Variants in TTYH2 observed in about 807,000 individuals in gnomAD.
TTYH2 encodes protein tweety homolog 2.
A neutral mutation model predicts 68.3 loss-of-function variants in TTYH2; 49 were observed. The observed-to-expected ratio is 0.72, with a 90% CI of 0.57 to 0.91. The LOEUF is 0.91. Ranked by LOEUF, TTYH2 falls within the 40% of genes least tolerant of loss-of-function variation. The pLI is 0.00. For synonymous variants in TTYH2, 272 were observed against 300.8 expected, an observed-to-expected ratio of 0.90 and a Z score of 0.99; for missense variants, 631 against 700.4, an observed-to-expected ratio of 0.90 and a Z score of 1.12.
chr17:74,230,861 A>G (rs1261020659), intron 2 of TTYH2, 27 bp from the exon 3 acceptor site: 1 of 1,610,812 alleles, frequency 6.2e-7, no homozygotes, highest in Non-Finnish European at 8.5e-7. Flanking sequence ...TATCACCTCT[A>G]ACCTCTGTTT....
chr17:74,244,027 C>T lies in TTYH2; in HGVS notation c.782C>T (p.Ala261Val). The change falls in exon 6 of 14, where the codon GCC becomes GTC. Residue 261 changes from alanine (A) to valine (V), a missense_variant. Ala to Val is a moderately conservative substitution (Grantham distance 64, BLOSUM62 0). Coordinates refer to ENST00000269346, the MANE Select transcript of TTYH2 (RefSeq NM_032646.6). ...CTGCTCCTCAGTTGGGCATCCCTGG[C>T]CGCTGATGGCTCTGCGGCAGTGGTG... Reference protein sequence around the residue: ...LSLLLSWASLAADGSAAVATS... With the variant: ...LSLLLSWASLVADGSAAVATS... 1.2e-6 allele frequency: 2 copies of T among 1,612,204 alleles called. No homozygotes were observed. The highest frequency in any genetic ancestry group is 1.7e-6 in the Non-Finnish European group (2 of 1,179,902).
chr17:74,259,115 G>A (rs2050721671), intron 13 of TTYH2, among the ~76,000 whole-genome samples: 1 of 152,136 alleles, frequency 6.6e-6, no homozygotes, highest in Non-Finnish European at 1.5e-5. Context: ...CTCTGTACTG[G>A]GTCATGCTCC....
chr17:74,216,313 G>A (rs1308118702), intron 1 of TTYH2, among the ~76,000 whole-genome samples: 2 of 152,182 alleles, frequency 1.3e-5, no homozygotes, highest in African/African-American at 4.8e-5. Flanking sequence ...CACAGTGCTG[G>A]CTGTGTGGGG....
intron 2 of TTYH2, among the ~76,000 whole-genome samples, chr17:74,229,573 G>A (rs751774183): frequency 1.1e-4 from 16 of 152,038 alleles, no homozygotes; most frequent in Non-Finnish European, 1.8e-4. Flanking sequence ...CTCCATAGAT[G>A]TTCACAGCAG....
chr17:74,217,575 G>C lies in TTYH2; in HGVS notation c.129+3859G>C, dbSNP rs1019145624. On this transcript the variant is annotated intron_variant, in intron 1 of 13. Transcript: ENST00000269346. The surrounding 1 kb of genome is among the most constrained non-coding windows in gnomAD (Gnocchi z 4.0). Reference sequence around the variant, plus strand: ...TTCATCCAGTGTGAAATTGAGTCACGGTCATCAGACAGTCATGCCGCGCCT... The same window carrying C: ...TTCATCCAGTGTGAAATTGAGTCACCGTCATCAGACAGTCATGCCGCGCCT... Among the ~76,000 whole-genome samples, 3 of 152,172 alleles carry C rather than the reference G, an allele frequency of 2.0e-5. No individual in the cohort carries two copies. The highest frequency in any genetic ancestry group is 4.4e-5 in the Non-Finnish European group (3 of 68,030).
rs1359224747 is a variant in TTYH2 at position 74,214,806 on chromosome 17, A to C, written c.129+1090A>C. ...CCCCCGGCGGCCTCTCCCTGTGTCA[A>C]GTTCTCCAGATATGGGACAGATCAG... On this transcript the variant is annotated intron_variant, in intron 1 of 13. Coordinates refer to ENST00000269346, the MANE Select transcript of TTYH2 (RefSeq NM_032646.6). The surrounding 1 kb of genome is among the most constrained non-coding windows in gnomAD (Gnocchi z 4.6). 2.6e-5 allele frequency among the ~76,000 whole-genome samples: 4 copies of C among 152,202 alleles called. No homozygotes were observed. The highest frequency in any genetic ancestry group is 1.3e-4 in the Admixed American group (2 of 15,284).
At chr17:74,231,268 C>T (rs2050386767) in intron 3 of TTYH2, among the ~76,000 whole-genome samples, 1 of 152,238 alleles carries the variant, frequency 6.6e-6, no homozygotes, top group South Asian at 2.1e-4. Context: ...ACAAGCCGAA[C>T]ACTTTCTGAT....
rs1285599801 is a variant in TTYH2 at position 74,239,675 on chromosome 17, C to T, written c.635+2161C>T. ...AGCCCGTCCAGTCCCTGCATCTCCG[C>T]CATGTCCTGGATGCTCTGGATTGAA... On this transcript the variant is annotated intron_variant, in intron 4 of 13. Transcript: ENST00000269346. This position sits in a 1 kb window ranked among gnomAD's most constrained non-coding sequence, Gnocchi z 5.3. Among the ~76,000 whole-genome samples, 1 of 152,192 alleles carries T rather than the reference C, an allele frequency of 6.6e-6. No homozygotes were observed. The highest frequency in any genetic ancestry group is 2.4e-5 in the African/African-American group (1 of 41,442).
At chr17:74,246,569 T>TC (rs2050560049) in intron 6 of TTYH2, among the ~76,000 whole-genome samples, 1 of 152,118 alleles carries the variant, frequency 6.6e-6, no homozygotes, top group Non-Finnish European at 1.5e-5. Flanking sequence ...GGCTCAGCCA[T>TC]CACCTGGGCT....
At chr17:74,244,083 G>A in intron 6 of TTYH2, 34 bp downstream of exon 6, 1 of 1,598,794 alleles carries the variant, frequency 6.3e-7, no homozygotes, top group South Asian at 1.1e-5. Flanking sequence ...GGTGGGTGGT[G>A]GTTGGTCTGC....
At chr17:74,227,152 T>C (rs1416085435) in intron 2 of TTYH2, among the ~76,000 whole-genome samples, 1 of 152,086 alleles carries the variant, frequency 6.6e-6, no homozygotes, top group Non-Finnish European at 1.5e-5. Context: ...TTTTTTTATT[T>C]TTAGTAGAGA....
intron 1 of TTYH2, among the ~76,000 whole-genome samples, chr17:74,218,296 C>T (rs1410383831): frequency 6.6e-6 from 1 of 151,992 alleles, no homozygotes; most frequent in Non-Finnish European, 1.5e-5. Context: ...CACCCTCTCA[C>T]CCTGTCCCAC....
intron 2 of TTYH2, among the ~76,000 whole-genome samples, chr17:74,229,387 C>T (rs1438893980): frequency 6.6e-6 from 1 of 152,126 alleles, no homozygotes; most frequent in African/African-American, 2.4e-5. Flanking sequence ...AGTCTTAGGA[C>T]TAGAGGACAG....
At chr17:74,253,707 C>G (rs748274119) in intron 12 of TTYH2, 48 bp from the exon 13 acceptor site, 1 of 1,586,168 alleles carries the variant, frequency 6.3e-7, no homozygotes, top group Admixed American at 1.7e-5. Context: ...CTACACACAC[C>G]CCCACTCCCA....
intron 6 of TTYH2, among the ~76,000 whole-genome samples, chr17:74,247,090 G>A (rs1483824231): frequency 6.6e-6 from 1 of 151,342 alleles, no homozygotes; most frequent in South Asian, 2.1e-4. Flanking sequence ...ACTGAGGCAG[G>A]AGGATTGCTT....
At position 74,215,909 on chromosome 17, in the gene TTYH2, C is replaced by T. The variant is rs1376267414; in HGVS notation, c.129+2193C>T. ...TTCAGGAGAAATTGCTGGGGATTTT[C>T]TGCGGCTGGGCTCTGGGCGCAGTGC... On this transcript the variant is annotated intron_variant, in intron 1 of 13. Transcript: ENST00000269346. This position sits in a 1 kb window ranked among gnomAD's most constrained non-coding sequence, Gnocchi z 4.3. 1.3e-5 allele frequency among the ~76,000 whole-genome samples: 2 copies of T among 152,232 alleles called. No homozygotes were observed. Among genetic ancestry groups the T allele is most frequent in the African/African-American group, 4.8e-5 (2 of 41,472 alleles).
intron 10 of TTYH2, 100 bp from the exon 11 acceptor site, chr17:74,252,134 C>T: frequency 1.3e-6 from 2 of 1,506,252 alleles, no homozygotes; most frequent in South Asian, 2.5e-5. Context: ...CAGGAGACCC[C>T]AGGTCCAGGC....
At chr17:74,255,908 C>T (rs893949264) in intron 13 of TTYH2, among the ~76,000 whole-genome samples, 5 of 152,194 alleles carry the variant, frequency 3.3e-5, no homozygotes, top group African/African-American at 1.2e-4. Flanking sequence ...AAAGCAGAAG[C>T]ACTGGGGCCC....
At chr17:74,244,128 C>A in intron 6 of TTYH2, 79 bp downstream of exon 6, 2 of 1,374,184 alleles carry the variant, frequency 1.5e-6, no homozygotes, top group African/African-American at 1.4e-5. Context: ...GCAGGGCCAG[C>A]TTCCGGTCCC....
Sources: allele counts gnomAD v4.1 joint callset (sites outside exome capture counted in the v4.1 genomes callset), GRCh38; gene constraint gnomAD v4.1.1; non-coding constraint Gnocchi (gnomAD v3.1); transcripts MANE v1.5; gene names NCBI Gene and HGNC (gene_info 2026-07-23, HGNC 2026-07-21).